EML5: variants seen among roughly 807,000 people sequenced by gnomAD.
The protein encoded by EML5 is EMAP like 5, also known as echinoderm microtubule-associated protein-like 5.
Under a neutral mutation model 250.0 loss-of-function variants are expected in EML5, and 120 were observed. The observed-to-expected ratio is 0.48, with a 90% CI of 0.41 to 0.56. EML5 has a LOEUF of 0.56. Among genes scored for constraint, EML5 ranks in the 20% least tolerant of loss-of-function variants. The probability of loss-of-function intolerance (pLI) is 0.00; values close to 1 mark genes in which losing one functional copy is unlikely to be tolerated. For missense variants in EML5, 2,006 were observed against 2,437.6 expected (o/e 0.82, Z 3.73); for synonymous variants, 771 against 806.5 (o/e 0.96, Z 0.75).
chr14:88,646,855 A>G, intron 29 of EML5, 92 bp downstream of exon 29: 1 of 1,335,904 alleles, frequency 7.5e-7, no homozygotes, highest in African/African-American at 1.5e-5. Flanking sequence ...AGAGGTAAAG[A>G]ACACTAAGTA....
At chr14:88,631,213 ACTTTT>A (rs2090419796) in intron 33 of EML5, among the ~76,000 whole-genome samples, 1 of 152,126 alleles carries the variant, frequency 6.6e-6, no homozygotes, top group African/African-American at 2.4e-5. Context: ...TTCAATGCTA[ACTTTT>A]CTTTTTTCTT....
chr14:88,733,790 A>G (rs906924757), intron 7 of EML5, among the ~76,000 whole-genome samples: 1 of 152,154 alleles, frequency 6.6e-6, no homozygotes, highest in African/African-American at 2.4e-5. Flanking sequence ...TACTTCTTAC[A>G]CTAAAGGAAG....
intron 1 of EML5, among the ~76,000 whole-genome samples, chr14:88,768,613 TGTTGGTCAG>T (rs2094350983): frequency 6.6e-6 from 1 of 152,136 alleles, no homozygotes; most frequent in Non-Finnish European, 1.5e-5. Context: ...GGTTCCACCA[TGTTGGTCAG>T]GCTGGTCTCG....
intron 20 of EML5, 140 bp downstream of exon 20, chr14:88,684,870 ATACAT>A: frequency 1.4e-6 from 1 of 708,484 alleles, no homozygotes; most frequent in South Asian, 3.4e-5. Context: ...TTTTTTCTGT[ATACAT>A]TAAATTTTTT....
At chr14:88,669,982 A>G (rs1187032821) in intron 21 of EML5, among the ~76,000 whole-genome samples, 1 of 152,104 alleles carries the variant, frequency 6.6e-6, no homozygotes, top group East Asian at 1.9e-4. Context: ...GTGGACCTCC[A>G]GCAAACCTCA....
chr14:88,688,798 A>G (rs971901047), intron 17 of EML5, among the ~76,000 whole-genome samples: 3 of 152,214 alleles, frequency 2.0e-5, no homozygotes, highest in Non-Finnish European at 4.4e-5. Flanking sequence ...AATACAATGA[A>G]TGCCTATATA....
intron 25 of EML5, among the ~76,000 whole-genome samples, chr14:88,659,734 A>T (rs1452398830): frequency 6.6e-6 from 1 of 152,258 alleles, no homozygotes; most frequent in Non-Finnish European, 1.5e-5. Context: ...TTAACAACTA[A>T]GACTCTACCA....
chr14:88,782,682 GCAAGCCC>G (rs1466044235), intron 1 of EML5, among the ~76,000 whole-genome samples: 2 of 152,230 alleles, frequency 1.3e-5, no homozygotes, highest in Non-Finnish European at 2.9e-5. Flanking sequence ...TTTGGAGGGT[GCAAGCCC>G]CAAGCCTTGG....
chr14:88,734,481 T>G (rs2093809330), intron 7 of EML5, among the ~76,000 whole-genome samples: 1 of 152,012 alleles, frequency 6.6e-6, no homozygotes, highest in African/African-American at 2.4e-5. Context: ...TGCATTCTCT[T>G]AAGGGGCCAC....
chr14:88,692,364 G>A (rs776355955), intron 17 of EML5, among the ~76,000 whole-genome samples: 7 of 152,094 alleles, frequency 4.6e-5, no homozygotes, highest in Non-Finnish European at 7.4e-5. Context: ...GCAACAGAGC[G>A]AGACTCTGTT....
At chr14:88,785,194 C>T (rs575614280) in intron 1 of EML5, among the ~76,000 whole-genome samples, 1 of 151,924 alleles carries the variant, frequency 6.6e-6, no homozygotes, top group African/African-American at 2.4e-5. Context: ...TGGAAAGGGT[C>T]GTGGAGGACT....
chr14:88,669,774 G>A (rs2092407914), intron 21 of EML5, among the ~76,000 whole-genome samples: 1 of 152,204 alleles, frequency 6.6e-6, no homozygotes, highest in Admixed American at 6.5e-5. Context: ...CCTGGATCCT[G>A]TACCTCCTGA....
At chr14:88,621,084 C>T (rs763967374) in intron 38 of EML5, 29 bp downstream of exon 38, 1 of 1,594,278 alleles carries the variant, frequency 6.3e-7, no homozygotes, top group Admixed American at 1.8e-5. Context: ...GAAGTTGTAA[C>T]CTCTTTTAAA....
intron 1 of EML5, among the ~76,000 whole-genome samples, chr14:88,772,608 C>G (rs1172092207): frequency 6.6e-6 from 1 of 152,130 alleles, no homozygotes; most frequent in South Asian, 2.1e-4. Flanking sequence ...AAAAAATTAG[C>G]AAGGCGTGGT....
At chr14:88,743,591 CAA>C (rs915963077) in intron 4 of EML5, among the ~76,000 whole-genome samples, 23 of 152,114 alleles carry the variant, frequency 1.5e-4, no homozygotes, top group African/African-American at 5.5e-4. Flanking sequence ...AATAAAAGCT[CAA>C]AGAGGTTAAA....
intron 33 of EML5, among the ~76,000 whole-genome samples, chr14:88,628,872 C>A (rs2140442018): frequency 6.6e-6 from 1 of 151,938 alleles, no homozygotes; most frequent in East Asian, 1.9e-4. Flanking sequence ...AGAAATTGTT[C>A]AAAGATTTAT....
At chr14:88,676,742 G>A (rs1187899228) in intron 21 of EML5, among the ~76,000 whole-genome samples, 1 of 152,084 alleles carries the variant, frequency 6.6e-6, no homozygotes, top group Admixed American at 6.5e-5. Context: ...TATACTACAA[G>A]GCTACAGTAA....
rs769729155 is a variant in EML5, at chr14:88,658,252, T to C, written c.3812A>G (p.Glu1271Gly). ...MSLMVWTNEM[E>G]GYREKRPCDS... Reference sequence around the variant, plus strand: ...ACAAGGCCTTTTTTCTCGATAGCCTTCCATCTCATTTGTCCACACCATTAA... The same window carrying C: ...ACAAGGCCTTTTTTCTCGATAGCCTCCCATCTCATTTGTCCACACCATTAA... Residue 1271 changes from glutamate to glycine, a missense_variant, in exon 26 of 44, where the codon GAA (glutamate) becomes GGA (glycine). Coordinates refer to ENST00000554922, the MANE Select transcript of EML5 (RefSeq NM_183387.3). The C allele has an allele frequency of 6.2e-7, 1 of 1,613,848 alleles. No homozygotes were observed. Among genetic ancestry groups the C allele is most frequent in the Non-Finnish European group, 8.5e-7 (1 of 1,179,826 alleles).
At chr14:88,748,512 C>T (rs2094041758) in intron 2 of EML5, among the ~76,000 whole-genome samples, 1 of 152,140 alleles carries the variant, frequency 6.6e-6, no homozygotes, top group Admixed American at 6.5e-5. Context: ...AAAGATGAAA[C>T]TGATTCATGA....
Sources: allele counts gnomAD v4.1 joint callset (sites outside exome capture counted in the v4.1 genomes callset), GRCh38; gene constraint gnomAD v4.1.1; transcripts MANE v1.5; gene names NCBI Gene and HGNC (gene_info 2026-07-23, HGNC 2026-07-21).